The following CRBN variants were observed in gnomAD, a reference collection of about 807,000 sequenced individuals.
CRBN encodes the protein cereblon.
CRBN carries 53 observed loss-of-function variants against 62.2 expected under a neutral mutation model. That is an observed-to-expected ratio of 0.85 (90% CI 0.68 to 1.07). CRBN has a LOEUF of 1.07. Ranked by LOEUF, CRBN falls within the 50% of genes least tolerant of loss-of-function variation. CRBN has a pLI of 0.00. For missense variants in CRBN, 616 were observed against 531.1 expected (o/e 1.16, Z -1.57); for synonymous variants, 208 against 176.1 (o/e 1.18, Z -1.43).
rs1250768469 is a variant in CRBN at position 3,172,813 on chromosome 3, T to G, written c.490A>C (p.Arg164=). 6.2e-7 allele frequency: 1 copy of G among 1,613,988 alleles called. No individual in the cohort carries two copies. The highest frequency in any genetic ancestry group is 1.1e-5 in the South Asian group (1 of 91,076). ...GTTCTTAGCTCAAGGACTTTGAACC[T>G]TTGTCTTCCAATTGCTTTCACTTTC... ...IVKVKAIGRQ[R]FKVLELRTQS... is the part of the protein sequence containing the mutation. Residue 164 remains arginine, a synonymous_variant, in exon 4 of 11, where the codon AGG becomes CGG. Coordinates refer to ENST00000231948, the MANE Select transcript of CRBN (RefSeq NM_016302.4).
In CRBN at chr3:3,175,038, A is replaced by AAG. The variant is rs1247703162; in HGVS notation, c.174+124_174+125insCT. 22 of 540,796 alleles carry AAG rather than the reference A, an allele frequency of 4.1e-5. No homozygotes were observed. The Admixed American group carries it at 7.9e-4, about 19-fold the overall frequency. The allele number at this position is 540,796 out of a possible 1,614,324, so 33.5% of individuals were successfully genotyped here. A position where few individuals can be genotyped will look rare whatever the true frequency, so the allele number is the denominator to read the frequency against. ...GTTAAATGTTTATCTACTGGCAAAT[A>AAG]GCCCATGTCCTCATCCACAATTTCT... On this transcript the variant is annotated intron_variant, in intron 2 of 10. Coordinates refer to ENST00000231948, the MANE Select transcript of CRBN (RefSeq NM_016302.4).
In CRBN at chr3:3,150,848, ATC is replaced by A; in HGVS notation, c.*15_*16del. 2 of 1,484,546 alleles carry A rather than the reference ATC, an allele frequency of 1.3e-6. No individual in the cohort carries two copies. The highest frequency in any genetic ancestry group is 1.9e-6 in the Non-Finnish European group (2 of 1,076,464). The allele number at this position is 1,484,546 out of a possible 1,614,324, so 92.0% of individuals were successfully genotyped here. A position where few individuals can be genotyped will look rare whatever the true frequency, so the allele number is the denominator to read the frequency against. On this transcript the variant is annotated 3_prime_UTR_variant, in exon 11 of 11. Coordinates refer to ENST00000231948, the MANE Select transcript of CRBN (RefSeq NM_016302.4). The stretch of plus-strand genomic sequence containing the variant: ...TATAACCAATTTGTTAGATAACTTT[ATC>A]TCTATCACATCTGTTTACAAGCAAA...
intron 2 of CRBN, 115 bp from the exon 3 acceptor site, chr3:3,174,376 C>G: frequency 1.2e-6 from 1 of 856,528 alleles, no homozygotes; most frequent in Non-Finnish European, 1.9e-6. Flanking sequence ...CACAGTGGCT[C>G]ACACCTGTAA....
intron 10 of CRBN, 141 bp from the exon 11 acceptor site, chr3:3,151,186 C>CTGT: frequency 1.2e-6 from 1 of 853,440 alleles, no homozygotes; most frequent in Non-Finnish European, 1.8e-6. Flanking sequence ...CATACAGTTC[C>CTGT]CTGAAACCTA....
intron 9 of CRBN, 66 bp downstream of exon 9, chr3:3,153,358 C>A: frequency 2.1e-6 from 2 of 949,282 alleles, no homozygotes; most frequent in South Asian, 2.7e-5. Context: ...TTATGGAAAA[C>A]AGAAATACAG....
intron 4 of CRBN, chr3:3,172,176 TA>T (rs1477562526): frequency 6.5e-6 from 1 of 152,784 alleles, no homozygotes; most frequent in African/African-American, 2.4e-5. Flanking sequence ...ACAAGGCACA[TA>T]GACTACAAGT....
chr3:3,165,565 T>G (rs962837735), intron 5 of CRBN, among the ~76,000 whole-genome samples: 2 of 152,198 alleles, frequency 1.3e-5, no homozygotes, highest in Non-Finnish European at 2.9e-5. Context: ...CTTGTATTTT[T>G]TAGCAATAAA....
chr3:3,167,928 G>A (rs899147108), intron 4 of CRBN, 135 bp from the exon 5 acceptor site: 1 of 754,684 alleles, frequency 1.3e-6, no homozygotes, highest in African/African-American at 1.8e-5. Flanking sequence ...ATCAAATACT[G>A]ATGTTAAGAT....
intron 8 of CRBN, 161 bp from the exon 9 acceptor site, chr3:3,153,649 G>A (rs753497042): frequency 3.4e-5 from 22 of 639,304 alleles, no homozygotes; most frequent in Non-Finnish European, 5.7e-5. Context: ...GATGGAGCAC[G>A]AAAGTCACTG....
chr3:3,164,972 G>A (rs1342458469), intron 5 of CRBN, among the ~76,000 whole-genome samples: 1 of 152,174 alleles, frequency 6.6e-6, no homozygotes, highest in Non-Finnish European at 1.5e-5. Flanking sequence ...ATGATTCATG[G>A]GAGGTGGTGA....
chr3:3,150,894 T>A lies in CRBN; in HGVS notation c.1300A>T (p.Ser434Cys). The A allele has an allele frequency of 6.2e-7, 1 of 1,613,954 alleles. No individual in the cohort carries two copies. Among genetic ancestry groups the A allele is most frequent in the Non-Finnish European group, 8.5e-7 (1 of 1,179,898 alleles). Residue 434 changes from serine to cysteine, a missense_variant, in exon 11 of 11, where the codon AGT becomes TGT. Coordinates refer to ENST00000231948, the MANE Select transcript of CRBN (RefSeq NM_016302.4). ...PTIPDTEDEI[S>C]PDKVILCL ...AAGCAAAGTATTACTTTGTCTGGAC[T>A]TATTTCATCTTCAGTGTCTGGGATC... is the stretch of plus-strand genomic sequence containing the variant.
At position 3,168,921 on chromosome 3, in the gene CRBN, T is replaced by C. The variant is rs185053739; in HGVS notation, c.528-1128A>G. 2.0e-3 allele frequency among the ~76,000 whole-genome samples: 303 copies of C among 152,318 alleles called. 4 individuals are homozygous for C. The highest frequency in any genetic ancestry group is 7.1e-3 in the African/African-American group (296 of 41,582). On this transcript the variant is annotated intron_variant, in intron 4 of 10. Coordinates refer to ENST00000231948, the MANE Select transcript of CRBN (RefSeq NM_016302.4). ...ATTATGGTCAAGTGTTCTTATATTA[T>C]TATTAGAGCTCATTAGAAACAAAAT...
chr3:3,174,987 T>C (rs1185680564), intron 2 of CRBN, among the ~76,000 whole-genome samples, 176 bp downstream of exon 2: 3 of 151,992 alleles, frequency 2.0e-5, no homozygotes, highest in Non-Finnish European at 2.9e-5. Context: ...TACCACAACA[T>C]AGTATTAAGC....
At chr3:3,151,195 T>C in intron 10 of CRBN, 150 bp from the exon 11 acceptor site, 1 of 799,508 alleles carries the variant, frequency 1.3e-6, no homozygotes. Flanking sequence ...CCCTGAAACC[T>C]AAAAACATTT....
intron 7 of CRBN, chr3:3,154,442 T>C (rs2126054467): frequency 2.1e-6 from 1 of 465,460 alleles, no homozygotes; most frequent in South Asian, 2.3e-5. Flanking sequence ...AAAGGCACCT[T>C]GAAGAACAGG....
At chr3:3,157,720 A>T (rs1706959136) in intron 5 of CRBN, among the ~76,000 whole-genome samples, 1 of 152,002 alleles carries the variant, frequency 6.6e-6, no homozygotes, top group Admixed American at 6.6e-5. Context: ...TACACCACTC[A>T]CACCCTCGAC....
rs1271395149 is a variant in CRBN, at chr3:3,167,665, C to T, written c.656G>A (p.Cys219Tyr). Residue 219 changes from cysteine (C) to tyrosine (Y), a missense_variant, in exon 5 of 11, where the codon TGT (cysteine) becomes TAT (tyrosine). Coordinates refer to ENST00000231948, the MANE Select transcript of CRBN (RefSeq NM_016302.4). ...PSKPVSREDQ[C>Y]SYKWWQKYQK... ...GTATTTCTGCCACCATTTATATGAA[C>T]ATTGGTCTTCTCTTGAGACAGGTTT... 1 of 1,613,260 alleles carries T rather than the reference C, an allele frequency of 6.2e-7. No homozygotes were observed. Among genetic ancestry groups the T allele is most frequent in the Non-Finnish European group, 8.5e-7 (1 of 1,179,488 alleles).
chr3:3,150,850 C>G lies in CRBN; in HGVS notation c.*15G>C, dbSNP rs1287242106. 4.5e-6 allele frequency: 7 copies of G among 1,544,556 alleles called. No homozygotes were observed. On this transcript the variant is annotated 3_prime_UTR_variant, in exon 11 of 11. Transcript: ENST00000231948. ...TAACCAATTTGTTAGATAACTTTAT[C>G]TCTATCACATCTGTTTACAAGCAAA...
rs1401417059 is a variant in CRBN, at chr3:3,150,817, T to G, written c.*48A>C. 2 of 1,567,728 alleles carry G rather than the reference T, an allele frequency of 1.3e-6. No homozygotes were observed. Among genetic ancestry groups the G allele is most frequent in the Admixed American group, 3.5e-5 (2 of 56,830 alleles). On this transcript the variant is annotated 3_prime_UTR_variant, in exon 11 of 11. Coordinates refer to ENST00000231948, the MANE Select transcript of CRBN (RefSeq NM_016302.4). Reference sequence around the variant, plus strand: ...GAGGCAATAATTTCCAAAGCAGATCTTAGAATATAACCAATTTGTTAGATA... The same window carrying G: ...GAGGCAATAATTTCCAAAGCAGATCGTAGAATATAACCAATTTGTTAGATA...
Sources: allele counts gnomAD v4.1 joint callset (sites outside exome capture counted in the v4.1 genomes callset), GRCh38; gene constraint gnomAD v4.1.1; transcripts MANE v1.5; gene names NCBI Gene and HGNC (gene_info 2026-07-23, HGNC 2026-07-21).